Variants in KPNA5 observed in about 807,000 individuals in gnomAD.
KPNA5 encodes importin subunit alpha-6.
In KPNA5, 46 loss-of-function variants were observed where a neutral mutation model predicts 71.3. That is an observed-to-expected ratio of 0.65 (90% CI 0.51 to 0.83). The LOEUF (loss-of-function observed/expected upper bound fraction) is 0.83. KPNA5 is among the 40% of genes least tolerant of loss of function. The pLI is 0.00. For synonymous variants in KPNA5, 207 were observed against 201.4 expected (o/e 1.03, Z -0.24); for missense variants, 547 against 628.3 (o/e 0.87, Z 1.38).
Position 116,702,093 on chromosome 6 carries a change from G to A in KPNA5, c.510G>A (p.Gly170=), listed in dbSNP as rs1384923613. Residue 170 remains glycine (G), a synonymous_variant, in exon 6 of 14, where the codon GGG becomes GGA. Coordinates refer to ENST00000368564, the MANE Select transcript of KPNA5 (RefSeq NM_001366306.2). ...ATACCAAGGTAGTGATTGAAACTGG[G>A]GCTGTTCCGATTTTTATCAAACTTC... ...FLHTKVVIET[G]AVPIFIKLLN... 1 of 1,613,746 alleles carries A rather than the reference G, an allele frequency of 6.2e-7. No individual in the cohort carries two copies. Among genetic ancestry groups the A allele is most frequent in the East Asian group, 2.2e-5 (1 of 44,804 alleles).
intron 4 of KPNA5, among the ~76,000 whole-genome samples, chr6:116,696,568 T>C (rs1778037561): frequency 6.6e-6 from 1 of 152,186 alleles, no homozygotes; most frequent in African/African-American, 2.4e-5. Flanking sequence ...ATCTTCTATT[T>C]ATTTCCTTTT....
chr6:116,732,389 A>G lies in KPNA5; in HGVS notation c.*66A>G, dbSNP rs767623745. The G allele has an allele frequency of 2.1e-5, 18 of 855,154 alleles. 1 individual carries two copies. Among genetic ancestry groups the G allele is most frequent in the South Asian group, 1.4e-4 (5 of 35,020 alleles). 53.0% of individuals were successfully genotyped at this position (855,154 alleles called of 1,614,324 possible). On this transcript the variant is annotated 3_prime_UTR_variant, in exon 14 of 14. Coordinates refer to ENST00000368564, the MANE Select transcript of KPNA5 (RefSeq NM_001366306.2). ...TTCAGGTAACTCCTCTTTGTTGCCA[A>G]TGTAAGAATGTTTGTTTTTTTACAT...
intron 8 of KPNA5, among the ~76,000 whole-genome samples, chr6:116,717,774 G>A (rs1349658398): frequency 2.0e-5 from 3 of 152,226 alleles, no homozygotes; most frequent in South Asian, 2.1e-4. Context: ...TTAAGGGTGC[G>A]CTGCCTCCAT....
intron 7 of KPNA5, among the ~76,000 whole-genome samples, chr6:116,706,203 T>C (rs1778429773): frequency 6.6e-6 from 1 of 152,266 alleles, no homozygotes; most frequent in Non-Finnish European, 1.5e-5. Context: ...CTTTTTGTTT[T>C]TGTTGTTCTG....
chr6:116,724,793 T>C (rs1219515461), intron 10 of KPNA5, among the ~76,000 whole-genome samples: 1 of 152,070 alleles, frequency 6.6e-6, no homozygotes, highest in East Asian at 1.9e-4. Context: ...ATTTATTTAT[T>C]TTTTAGGGAC....
chr6:116,707,685 T>C (rs986750631), intron 7 of KPNA5, among the ~76,000 whole-genome samples: 2 of 152,270 alleles, frequency 1.3e-5, no homozygotes, highest in African/African-American at 4.8e-5. Context: ...AACTATTTTA[T>C]TTCTAAATCT....
chr6:116,724,629 C>T (rs1779230521), intron 10 of KPNA5, among the ~76,000 whole-genome samples: 1 of 152,068 alleles, frequency 6.6e-6, no homozygotes, highest in Non-Finnish European at 1.5e-5. Flanking sequence ...ATTGCTCTTT[C>T]TCCTAGGCTG....
In KPNA5 at chr6:116,688,844, A is replaced by T. The variant is rs73555495; in HGVS notation, c.5-476A>T. Among the ~76,000 whole-genome samples the T allele has an allele frequency of 3.3e-5, 5 of 152,278 alleles. No individual in the cohort carries two copies. In the South Asian group the frequency reaches 1.0e-3, roughly 32 times the overall value. ...AGTAAGTGAAAGAAGCCAGACCCCA[A>T]TAAATATTTGAGATGTGCTTACTGG... is the stretch of plus-strand genomic sequence containing the variant. On this transcript the variant is annotated intron_variant, in intron 1 of 13. Coordinates refer to ENST00000368564, the MANE Select transcript of KPNA5 (RefSeq NM_001366306.2).
Position 116,739,403 on chromosome 6 carries a change from C to T in KPNA5, c.*7080C>T, listed in dbSNP as rs535175094. The T allele has an allele frequency of 2.2e-3, 337 of 152,080 alleles. 1 individual carries two copies. Among genetic ancestry groups the T allele is most frequent in the Middle Eastern group, 0.014 (4 of 292 alleles). 9.4% of individuals were successfully genotyped at this position (152,080 alleles called of 1,614,324 possible). A position where few individuals can be genotyped will look rare whatever the true frequency, so the allele number is the denominator to read the frequency against. ...GCTCATGGGTAGGAAGAATCAATAT[C>T]GTGAAAATGGCCATACTGCCCAAGG... On this transcript the variant is annotated 3_prime_UTR_variant, in exon 14 of 14. Coordinates refer to ENST00000368564, the MANE Select transcript of KPNA5 (RefSeq NM_001366306.2).
At chr6:116,716,525 G>A (rs555496005) in intron 8 of KPNA5, among the ~76,000 whole-genome samples, 1 of 152,280 alleles carries the variant, frequency 6.6e-6, no homozygotes, top group Non-Finnish European at 1.5e-5. Flanking sequence ...AAATTCCTGT[G>A]CCCAGAGGCA....
At chr6:116,700,051 A>G (rs555138958) in intron 5 of KPNA5, among the ~76,000 whole-genome samples, 2 of 152,318 alleles carry the variant, frequency 1.3e-5, no homozygotes, top group Admixed American at 1.3e-4. Context: ...GTTTAGGGGA[A>G]GTTTAAGTTT....
chr6:116,725,499 G>C (rs1779257895), intron 10 of KPNA5, among the ~76,000 whole-genome samples: 1 of 152,086 alleles, frequency 6.6e-6, no homozygotes. Context: ...GAGAACATTT[G>C]TAAATATGAA....
At chr6:116,726,061 AGTGTGTGTGTGT>A (rs58131077) in intron 11 of KPNA5, among the ~76,000 whole-genome samples, 185 bp downstream of exon 11, 3 of 150,558 alleles carry the variant, frequency 2.0e-5, no homozygotes, top group Admixed American at 6.6e-5. Context: ...AAGAACATCA[AGTGTGTGTGTGT>A]GTGTGTGTGT....
At chr6:116,717,222 G>C (rs1254807972) in intron 8 of KPNA5, among the ~76,000 whole-genome samples, 1 of 152,134 alleles carries the variant, frequency 6.6e-6, no homozygotes, top group Non-Finnish European at 1.5e-5. Flanking sequence ...TAGTGCAAAT[G>C]TCAACAAAAT....
intron 4 of KPNA5, among the ~76,000 whole-genome samples, chr6:116,698,194 C>T (rs965010635): frequency 9.2e-5 from 14 of 151,996 alleles, no homozygotes; most frequent in Non-Finnish European, 1.5e-5. Context: ...TTCTCAAAAG[C>T]TGTCTGCATT....
chr6:116,691,894 A>C (rs1334852785), intron 2 of KPNA5, among the ~76,000 whole-genome samples, 161 bp from the exon 3 acceptor site: 3 of 152,214 alleles, frequency 2.0e-5, no homozygotes. Flanking sequence ...AATACCTTAG[A>C]TCTTCCTAGT....
At chr6:116,723,403 T>C (rs997209258) in intron 9 of KPNA5, among the ~76,000 whole-genome samples, 1 of 152,074 alleles carries the variant, frequency 6.6e-6, no homozygotes, top group Non-Finnish European at 1.5e-5. Context: ...GAAGTTCAAA[T>C]CGAAGTTTCT....
chr6:116,691,065 C>T (rs1219024374), intron 2 of KPNA5, among the ~76,000 whole-genome samples: 1 of 152,008 alleles, frequency 6.6e-6, no homozygotes, highest in Non-Finnish European at 1.5e-5. Flanking sequence ...CCCGTCTCTA[C>T]TAAAAATAAA....
In KPNA5 at chr6:116,732,126, T is replaced by G. The variant is rs774066289; in HGVS notation, c.1433-10T>G. On this transcript the variant is annotated splice_polypyrimidine_tract_variant and intron_variant, in intron 13 of 13. Transcript: ENST00000368564. ...TATATATATATATATATATATACTT[T>G]GTATAACAGGTCTGGATAAAATTGA... 3.6e-5 allele frequency: 25 copies of G among 693,082 alleles called. No individual in the cohort carries two copies. The highest frequency in any genetic ancestry group is 5.1e-5 in the Non-Finnish European group (24 of 467,700). The allele number at this position is 693,082 out of a possible 1,614,324, so 42.9% of individuals were successfully genotyped here.
Sources: gnomAD v4.1 joint callset for allele counts (sites outside exome capture counted in the v4.1 genomes callset) on GRCh38, gnomAD v4.1.1 for gene constraint, MANE v1.5 for transcripts, NCBI Gene and HGNC (gene_info 2026-07-23, HGNC 2026-07-21) for gene names.